Variants in ZNF438 observed in about 807,000 individuals in gnomAD.
The protein encoded by ZNF438 is zinc finger protein 438.
In ZNF438, 25 loss-of-function variants were observed where a neutral mutation model predicts 38.0. That is an observed-to-expected ratio of 0.66 (90% CI 0.48 to 0.92). The LOEUF (loss-of-function observed/expected upper bound fraction) is 0.92, where lower values mean the gene tolerates loss of function less well. Ranked by LOEUF, ZNF438 falls within the 40% of genes least tolerant of loss-of-function variation. The pLI is 0.00. For synonymous variants in ZNF438, 372 were observed against 364.1 expected, an observed-to-expected ratio of 1.02 and a Z score of -0.25; for missense variants, 1,007 against 999.6, an observed-to-expected ratio of 1.01 and a Z score of -0.10.
chr10:30,851,262 T>G (rs1324002814), intron 4 of ZNF438, among the ~76,000 whole-genome samples: 1 of 152,266 alleles, frequency 6.6e-6, no homozygotes, highest in Non-Finnish European at 1.5e-5. Flanking sequence ...TTTATTAGCC[T>G]GACCTAAGAT....
intron 3 of ZNF438, among the ~76,000 whole-genome samples, chr10:30,887,245 GGGGAAACTACAACAAA>G (rs1463467216): frequency 6.6e-6 from 1 of 152,146 alleles, no homozygotes; most frequent in African/African-American, 2.4e-5. Context: ...TGTCTTTCCT[GGGGAAACTACAACAAA>G]GGCTCTGGGC....
At chr10:30,859,820 A>C (rs75431393) in intron 4 of ZNF438, among the ~76,000 whole-genome samples, 4,472 of 152,332 alleles carry the variant, frequency 0.029, 194 homozygotes, top group African/African-American at 0.1. Context: ...AAAAGGCACA[A>C]ATCTTGAATG....
chr10:30,959,514 G>A (rs1161127497), intron 1 of ZNF438, among the ~76,000 whole-genome samples: 3 of 144,108 alleles, frequency 2.1e-5, no homozygotes, highest in Non-Finnish European at 4.7e-5. Context: ...CGAGGTGGGC[G>A]GATCACGAGG....
At chr10:30,945,402 AT>A (rs1457163721) in intron 1 of ZNF438, among the ~76,000 whole-genome samples, 6 of 122,702 alleles carry the variant, frequency 4.9e-5, no homozygotes, top group Non-Finnish European at 7.1e-5. Flanking sequence ...TTTTTTTTTT[AT>A]TTTTTTTTAC....
At chr10:30,909,392 A>G (rs532798044) in intron 2 of ZNF438, among the ~76,000 whole-genome samples, 150 of 152,294 alleles carry the variant, frequency 9.8e-4, no homozygotes, top group African/African-American at 3.5e-3. Context: ...GGACAATAGG[A>G]AAATTACATG....
chr10:30,910,266 C>G (rs2042949805), intron 2 of ZNF438: 1 of 152,074 alleles, frequency 6.6e-6, no homozygotes, highest in Admixed American at 6.6e-5. Flanking sequence ...AGCAAGGAAC[C>G]CTGGGAAAGA....
intron 3 of ZNF438, among the ~76,000 whole-genome samples, chr10:30,901,486 C>T (rs58128420): frequency 0.034 from 5,169 of 152,102 alleles, 296 homozygotes; most frequent in African/African-American, 0.12. Flanking sequence ...AAGCCTGACA[C>T]CTCTGTCTTT....
chr10:31,014,969 C>A (rs183418518), intron 1 of ZNF438, among the ~76,000 whole-genome samples: 8 of 152,102 alleles, frequency 5.3e-5, no homozygotes, highest in Admixed American at 6.5e-5. Flanking sequence ...GTCATCCCCC[C>A]ACTTCAGCCT....
chr10:30,972,471 T>C (rs2994642), intron 1 of ZNF438, among the ~76,000 whole-genome samples: 109,766 of 152,106 alleles, frequency 0.72, 40,159 homozygotes, highest in African/African-American at 0.8. Flanking sequence ...TTGCAACGTA[T>C]TCTTTTTCCT....
At chr10:30,874,787 T>C (rs574621449) in intron 4 of ZNF438, among the ~76,000 whole-genome samples, 2 of 150,992 alleles carry the variant, frequency 1.3e-5, no homozygotes, top group Admixed American at 6.6e-5. Context: ...TAAATTCTTA[T>C]AGAAATATCT....
At chr10:30,858,900 C>T (rs2035123361) in intron 4 of ZNF438, among the ~76,000 whole-genome samples, 1 of 152,220 alleles carries the variant, frequency 6.6e-6, no homozygotes, top group African/African-American at 2.4e-5. Context: ...AACAGTGCAT[C>T]CATCACCTCA....
chr10:31,000,100 G>A (rs562290681), intron 1 of ZNF438, among the ~76,000 whole-genome samples: 9 of 152,138 alleles, frequency 5.9e-5, no homozygotes, highest in African/African-American at 2.2e-4. Flanking sequence ...GTGTCTCTAT[G>A]CTTGATTTTT....
chr10:30,939,285 T>C (rs772518792), intron 2 of ZNF438, among the ~76,000 whole-genome samples: 1 of 152,238 alleles, frequency 6.6e-6, no homozygotes, highest in Non-Finnish European at 1.5e-5. Context: ...TTTATGTGCA[T>C]ACTGACGTGT....
intron 3 of ZNF438, among the ~76,000 whole-genome samples, chr10:30,893,585 A>G (rs1366705175): frequency 6.6e-6 from 1 of 152,244 alleles, no homozygotes; most frequent in African/African-American, 2.4e-5. Flanking sequence ...TTAAAACATT[A>G]CAGGTACAGT....
chr10:31,002,066 T>C (rs1470188192), intron 1 of ZNF438, among the ~76,000 whole-genome samples: 2 of 152,236 alleles, frequency 1.3e-5, no homozygotes, highest in Non-Finnish European at 2.9e-5. Context: ...TGGCACAGCA[T>C]GTTCAGGGAA....
intron 1 of ZNF438, among the ~76,000 whole-genome samples, chr10:31,026,946 C>T (rs1589774099): frequency 6.6e-6 from 1 of 152,166 alleles, no homozygotes; most frequent in African/African-American, 2.4e-5. Context: ...TTTGTAGAGA[C>T]ATGGATGAAG....
intron 3 of ZNF438, among the ~76,000 whole-genome samples, chr10:30,888,763 T>C (rs902491177): frequency 6.6e-5 from 10 of 152,230 alleles, no homozygotes; most frequent in African/African-American, 2.4e-4. Flanking sequence ...AATTTCTTCA[T>C]CCAGTACCAC....
chr10:30,845,011 T>C, exon 6 of ZNF438: 1 of 1,614,190 alleles, frequency 6.2e-7, no homozygotes, highest in Non-Finnish European at 8.5e-7. Context: ...TTGGAGACCG[T>C]ATTTAAAATA....
intron 1 of ZNF438, among the ~76,000 whole-genome samples, chr10:31,012,025 GCT>G (rs1201682259): frequency 6.6e-6 from 1 of 152,014 alleles, no homozygotes; most frequent in Non-Finnish European, 1.5e-5. Flanking sequence ...GCCCTGGAAT[GCT>G]CTCAGACATC....
Sources: allele counts gnomAD v4.1 joint callset (sites outside exome capture counted in the v4.1 genomes callset), GRCh38; gene constraint gnomAD v4.1.1; transcripts MANE v1.5; gene names NCBI Gene and HGNC (gene_info 2026-07-23, HGNC 2026-07-21).